Variants in AZIN2 observed in about 807,000 individuals in gnomAD.
AZIN2 encodes ODC antizyme inhibitor-2.
In AZIN2, 28 loss-of-function variants were observed where a neutral mutation model predicts 47.8. The observed-to-expected ratio is 0.59, with a 90% confidence interval of 0.43 to 0.80. AZIN2 has a LOEUF of 0.80. Ranked by LOEUF, AZIN2 falls within the 30% of genes least tolerant of loss-of-function variation. The pLI is 0.00. For missense variants in AZIN2, 535 were observed against 582.5 expected (o/e 0.92, Z 0.84); for synonymous variants, 221 against 239.4 (o/e 0.92, Z 0.71).
At chr1:33,149,604 A>G in the AZIN2 span, among the ~76,000 whole-genome samples, 1 of 151,290 alleles carries the variant, frequency 6.6e-6, no homozygotes, top group Non-Finnish European at 1.5e-5. Context: ...ATAGGCATGC[A>G]TCACTATGCG....
intron 10 of AZIN2, among the ~76,000 whole-genome samples, chr1:33,100,125 A>G (rs1643556014): frequency 6.6e-6 from 1 of 152,150 alleles, no homozygotes; most frequent in South Asian, 2.1e-4. Context: ...GTTCGAGACC[A>G]GTCTAGCCAA....
chr1:33,101,657 G>A (rs993306741), intron 10 of AZIN2, among the ~76,000 whole-genome samples: 11 of 152,038 alleles, frequency 7.2e-5, no homozygotes, highest in East Asian at 3.8e-4. Context: ...ATGCAAAGTC[G>A]TCACTATCTT....
Position 33,122,098 on chromosome 1 carries a change from A to G in AZIN2, c.*1916A>G, listed in dbSNP as rs564256177. Among the ~76,000 whole-genome samples, 8 of 152,336 alleles carry G rather than the reference A, an allele frequency of 5.3e-5. No homozygotes were observed. Among genetic ancestry groups the G allele is most frequent in the African/African-American group, 1.9e-4 (8 of 41,576 alleles). On this transcript the variant is annotated 3_prime_UTR_variant, in exon 12 of 12. Coordinates refer to ENST00000294517, the MANE Select transcript of AZIN2 (RefSeq NM_052998.4). ...GGTATTACCATGCCAGTAATTGTCT[A>G]TCAGACTCTGAGACTTCTTCCATCT...
chr1:33,144,586 A>G, the AZIN2 span, among the ~76,000 whole-genome samples: 1 of 152,236 alleles, frequency 6.6e-6, no homozygotes, highest in African/African-American at 2.4e-5. Context: ...AGGCCTGTCT[A>G]TAGTACTCAG....
At chr1:33,154,666 C>A in the AZIN2 span, among the ~76,000 whole-genome samples, 1 of 151,308 alleles carries the variant, frequency 6.6e-6, no homozygotes, top group Admixed American at 6.6e-5. Context: ...GGTGCAGTGG[C>A]GTGTGCCTGT....
At chr1:33,153,702 T>C in the AZIN2 span, among the ~76,000 whole-genome samples, 1 of 152,202 alleles carries the variant, frequency 6.6e-6, no homozygotes, top group African/African-American at 2.4e-5. Context: ...AGGAAGAAAC[T>C]GAAGTTCAGA....
the AZIN2 span, among the ~76,000 whole-genome samples, chr1:33,145,016 T>G: frequency 1.6e-3 from 242 of 152,322 alleles, 1 homozygote; most frequent in African/African-American, 5.7e-3. Context: ...GGTGGTCATT[T>G]TTCTAAAGTC....
At position 33,096,839 on chromosome 1, in the gene AZIN2, G is replaced by A. The variant is rs1643208788; in HGVS notation, c.886G>A (p.Glu296Lys). The change falls in exon 9 of 12, where the codon GAG (glutamate) becomes AAG (lysine). Residue 296 changes from glutamate to lysine, a missense_variant. This residue lies in a region of AZIN2 where 409 missense variants were observed against 429.0 expected (regional missense o/e 0.95). Coordinates refer to ENST00000294517, the MANE Select transcript of AZIN2 (RefSeq NM_052998.4). ...GGCAGTCAGCATCATTGCCAAGAAG[G>A]AGGTTCTGCTAGACCAGCCTGGCAG... ...TVAVSIIAKK[E>K]VLLDQPGREE... The A allele has an allele frequency of 2.5e-6, 4 of 1,614,172 alleles. No individual in the cohort carries two copies. The highest frequency in any genetic ancestry group is 1.1e-5 in the South Asian group (1 of 91,082).
intron 5 of AZIN2, among the ~76,000 whole-genome samples, chr1:33,084,907 A>G (rs2124464371): frequency 6.6e-6 from 1 of 152,298 alleles, no homozygotes; most frequent in South Asian, 2.1e-4. Context: ...GCCACTTTAG[A>G]TTAACTTTAC....
the AZIN2 span, among the ~76,000 whole-genome samples, chr1:33,157,795 TG>T: frequency 6.6e-6 from 1 of 151,984 alleles, no homozygotes; most frequent in East Asian, 1.9e-4. Context: ...CTTGCTCTGT[TG>T]CCCAGGCTGG....
chr1:33,093,731 C>CTTT (rs776963959), intron 7 of AZIN2, among the ~76,000 whole-genome samples: 34 of 134,658 alleles, frequency 2.5e-4, no homozygotes, highest in Non-Finnish European at 4.2e-4. Context: ...TTCTTTCTTT[C>CTTT]TTTTTTTTTT....
intron 8 of AZIN2, among the ~76,000 whole-genome samples, chr1:33,095,347 C>T (rs1643035858): frequency 6.6e-6 from 1 of 152,190 alleles, no homozygotes; most frequent in South Asian, 2.1e-4. Context: ...CCTGGTCCAT[C>T]TAATACTCAG....
chr1:33,108,623 A>G (rs929295110), intron 10 of AZIN2, among the ~76,000 whole-genome samples: 4 of 152,170 alleles, frequency 2.6e-5, no homozygotes, highest in Non-Finnish European at 5.9e-5. Context: ...GATTACAGGC[A>G]TGAACCACCG....
the AZIN2 span, among the ~76,000 whole-genome samples, chr1:33,131,609 G>C: frequency 6.6e-6 from 1 of 151,852 alleles, no homozygotes; most frequent in Non-Finnish European, 1.5e-5. Context: ...ATAACATTTT[G>C]TATGTTTAAA....
the AZIN2 span, among the ~76,000 whole-genome samples, chr1:33,131,960 C>T: frequency 1.3e-5 from 2 of 152,126 alleles, no homozygotes; most frequent in Non-Finnish European, 2.9e-5. Context: ...CAAGGGCCTT[C>T]TGAATCAAGG....
chr1:33,156,024 T>C, the AZIN2 span, among the ~76,000 whole-genome samples: 169 of 152,328 alleles, frequency 1.1e-3, no homozygotes, highest in Non-Finnish European at 2.0e-3. Flanking sequence ...CCCCACTGGC[T>C]TTGGTGCCCA....
chr1:33,125,272 A>G (rs12031625), downstream of AZIN2, among the ~76,000 whole-genome samples: 34,318 of 152,138 alleles, frequency 0.23, 4,324 homozygotes, highest in South Asian at 0.32. Context: ...TGGCACCTTT[A>G]GGTAAACAGC....
chr1:33,105,667 A>G (rs2124607454), intron 10 of AZIN2, among the ~76,000 whole-genome samples: 1 of 152,264 alleles, frequency 6.6e-6, no homozygotes, highest in South Asian at 2.1e-4. Flanking sequence ...TCACCTCCCA[A>G]CAGGCCCCTC....
At chr1:33,144,381 G>A in the AZIN2 span, among the ~76,000 whole-genome samples, 3 of 152,240 alleles carry the variant, frequency 2.0e-5, no homozygotes, top group African/African-American at 4.8e-5. Flanking sequence ...CAGGTGATCC[G>A]CCTGCCTTGG....
Sources: allele counts gnomAD v4.1 joint callset (sites outside exome capture counted in the v4.1 genomes callset), GRCh38; gene constraint gnomAD v4.1.1; regional missense constraint gnomAD v4.1.1; transcripts MANE v1.5; gene names NCBI Gene and HGNC (gene_info 2026-07-23, HGNC 2026-07-21).